The following FAM133B variants were observed in gnomAD, a reference collection of about 807,000 sequenced individuals.
FAM133B encodes protein FAM133B.
FAM133B carries 25 observed loss-of-function variants against 46.4 expected under a neutral mutation model. The ratio of observed to expected loss-of-function variants is 0.54; its 90% CI spans 0.39 to 0.75. The LOEUF is 0.75. FAM133B is among the 30% of genes least tolerant of loss of function. The pLI is 0.00. For synonymous variants in FAM133B, 75 were observed against 86.0 expected (o/e 0.87, Z 0.71); for missense variants, 205 against 277.6 (o/e 0.74, Z 1.86).
At chr7:92,570,523 A>C (rs902415887) in intron 8 of FAM133B, among the ~76,000 whole-genome samples, 15 of 152,170 alleles carry the variant, frequency 9.9e-5, no homozygotes, top group Non-Finnish European at 2.1e-4. Flanking sequence ...AGCAAGTGTA[A>C]CAAAATGTTA....
In FAM133B at chr7:92,586,586, T is replaced by C. The variant is rs1031763417; in HGVS notation, c.24+3682A>G. Among the ~76,000 whole-genome samples the C allele has an allele frequency of 3.9e-5, 6 of 152,326 alleles. No individual in the cohort carries two copies. In the East Asian group the frequency reaches 1.2e-3, roughly 29 times the overall value. On this transcript the variant is annotated intron_variant, in intron 1 of 10. Coordinates refer to ENST00000445716, the MANE Select transcript of FAM133B (RefSeq NM_152789.4). ...CTTGTAAATCAAACATTCACATCCA[T>C]ATGTAACTAGAATTCTCTGTGGCTT...
At chr7:92,577,286 A>G in intron 6 of FAM133B, 91 bp from the exon 7 acceptor site, 1 of 815,028 alleles carries the variant, frequency 1.2e-6, no homozygotes, top group South Asian at 2.8e-5. Context: ...AGTGAACAAA[A>G]TTTCACAAAA....
chr7:92,571,279 C>T (rs947936087), intron 8 of FAM133B, among the ~76,000 whole-genome samples: 5 of 152,148 alleles, frequency 3.3e-5, no homozygotes, highest in Non-Finnish European at 4.4e-5. Flanking sequence ...CTTTATCAAT[C>T]GTATCAGAGA....
chr7:92,580,494 A>C (rs1244624151), intron 2 of FAM133B, among the ~76,000 whole-genome samples: 1 of 152,160 alleles, frequency 6.6e-6, no homozygotes, highest in Non-Finnish European at 1.5e-5. Flanking sequence ...GGTTGCCAAA[A>C]TCTCACATGT....
chr7:92,571,656 A>C (rs1297362888), intron 8 of FAM133B, among the ~76,000 whole-genome samples: 1 of 152,186 alleles, frequency 6.6e-6, no homozygotes, highest in African/African-American at 2.4e-5. Flanking sequence ...CCAAATGATT[A>C]GTCATTTTGT....
chr7:92,577,282 C>T, intron 6 of FAM133B, 87 bp from the exon 7 acceptor site: 1 of 806,700 alleles, frequency 1.2e-6, no homozygotes, highest in Non-Finnish European at 1.8e-6. Flanking sequence ...TATCAGTGAA[C>T]AAAATTTCAC....
intron 2 of FAM133B, 41 bp downstream of exon 2, chr7:92,581,465 T>C: frequency 2.0e-6 from 3 of 1,522,894 alleles, no homozygotes; most frequent in South Asian, 1.2e-5. Context: ...CTTTAAAAAG[T>C]TGATAAAAGC....
intron 8 of FAM133B, 90 bp downstream of exon 8, chr7:92,575,681 T>A (rs115236001): frequency 0.036 from 20,623 of 575,750 alleles, 462 homozygotes; most frequent in Non-Finnish European, 0.041. Context: ...AATAAATATA[T>A]CTCTTAAAAA....
chr7:92,577,342 C>T (rs1483597590), intron 6 of FAM133B, 147 bp from the exon 7 acceptor site: 2 of 496,368 alleles, frequency 4.0e-6, no homozygotes, highest in Non-Finnish European at 6.9e-6. Context: ...ACATCACTTT[C>T]CTGTTATAAA....
chr7:92,562,980 G>C (rs1045343980), intron 10 of FAM133B, among the ~76,000 whole-genome samples: 1 of 152,140 alleles, frequency 6.6e-6, no homozygotes, highest in African/African-American at 2.4e-5. Flanking sequence ...ACTAATGCCC[G>C]GTAGAAGTAG....
chr7:92,578,081 CA>C, intron 5 of FAM133B, 68 bp downstream of exon 5: 1 of 1,395,918 alleles, frequency 7.2e-7, no homozygotes, highest in Non-Finnish European at 1.0e-6. Flanking sequence ...ACAGGTTAAA[CA>C]AATTATTCTT....
intron 10 of FAM133B, chr7:92,565,682 C>T (rs924741050): frequency 4.5e-6 from 1 of 220,316 alleles, no homozygotes; most frequent in Non-Finnish European, 9.1e-6. Flanking sequence ...CCAGGATGGT[C>T]TCGAGCTCCT....
At chr7:92,579,059 C>A in intron 3 of FAM133B, 2 of 343,440 alleles carry the variant, frequency 5.8e-6, no homozygotes, top group Non-Finnish European at 1.1e-5. Context: ...CACGTAAATA[C>A]AAACTTGTAT....
intron 8 of FAM133B, among the ~76,000 whole-genome samples, chr7:92,571,639 A>G (rs1794534131): frequency 6.6e-6 from 1 of 152,092 alleles, no homozygotes; most frequent in African/African-American, 2.4e-5. Flanking sequence ...GGCCAGCTTT[A>G]TATTTTCCAA....
chr7:92,570,367 G>A (rs1365200326), intron 8 of FAM133B, among the ~76,000 whole-genome samples: 2 of 151,978 alleles, frequency 1.3e-5, no homozygotes, highest in African/African-American at 4.8e-5. Context: ...GTAAATATGT[G>A]TTTAAAAAAA....
chr7:92,561,447 C>CCAAT lies in FAM133B; in HGVS notation c.*831_*834dup, dbSNP rs199734126. 10,195 of 140,148 alleles carry CCAAT rather than the reference C, an allele frequency of 0.073. 416 individuals are homozygous for CCAAT. Among genetic ancestry groups the CCAAT allele is most frequent in the Non-Finnish European group, 0.085 (5,493 of 64,634 alleles). The allele number at this position is 140,148 out of a possible 1,614,324, so 8.7% of individuals were successfully genotyped here. A position where few individuals can be genotyped will look rare whatever the true frequency, so the allele number is the denominator to read the frequency against. On this transcript the variant is annotated 3_prime_UTR_variant, in exon 11 of 11. Transcript: ENST00000445716. ...CTTTAGCTATCAAGTTCAAAAAGTA[C>CCAAT]CAATGTCTATTTAAAATAATTCCTC...
chr7:92,581,535 C>T lies in FAM133B; in HGVS notation c.93G>A (p.Gln31=), dbSNP rs1205402701. The T allele has an allele frequency of 1.2e-6, 2 of 1,613,606 alleles. No individual in the cohort carries two copies. Among genetic ancestry groups the T allele is most frequent in the African/African-American group, 2.7e-5 (2 of 74,884 alleles). Residue 31 remains glutamine, a synonymous_variant, in exon 2 of 11, where the codon CAG becomes CAA. Transcript: ENST00000445716. ...TAGGCCTTGGTCGATTCAGATAATC[C>T]TGTATTGTTGGCCCTGAAGACTGGA... ...GPIQSSGPTI[Q]DYLNRPRPTW...
At chr7:92,590,015 A>G in intron 1 of FAM133B, 1 of 587,224 alleles carries the variant, frequency 1.7e-6, no homozygotes, top group East Asian at 2.9e-5. Context: ...CAAGAGTGCA[A>G]ACCAGCAGCG....
At position 92,569,742 on chromosome 7, in the gene FAM133B, A is replaced by G; in HGVS notation, c.609+81T>C. The G allele has an allele frequency of 3.0e-6, 2 of 658,110 alleles. 1 individual carries two copies. Among genetic ancestry groups the G allele is most frequent in the Non-Finnish European group, 4.8e-6 (2 of 418,242 alleles). 40.8% of individuals were successfully genotyped at this position (658,110 alleles called of 1,614,324 possible). A position where few individuals can be genotyped will look rare whatever the true frequency, so the allele number is the denominator to read the frequency against. ...AAGGTGAATAAATTAAATATGAAGT[A>G]TTTCTTTTTCTAAGTCATATTTATT... is the stretch of plus-strand genomic sequence containing the variant. On this transcript the variant is annotated intron_variant, in intron 9 of 10. Coordinates refer to ENST00000445716, the MANE Select transcript of FAM133B (RefSeq NM_152789.4).
Sources: allele counts gnomAD v4.1 joint callset (sites outside exome capture counted in the v4.1 genomes callset), GRCh38; gene constraint gnomAD v4.1.1; transcripts MANE v1.5; gene names NCBI Gene and HGNC (gene_info 2026-07-23, HGNC 2026-07-21).